BCCIP: variants seen among roughly 807,000 people sequenced by gnomAD.
BCCIP encodes BRCA2 and CDKN1A-interacting protein.
A neutral mutation model predicts 32.8 loss-of-function variants in BCCIP; 23 were observed. That is an observed-to-expected ratio of 0.70 (90% CI 0.51 to 0.99). BCCIP has a LOEUF of 0.99. Among genes scored for constraint, BCCIP ranks in the 50% least tolerant of loss-of-function variants. The probability of loss-of-function intolerance (pLI) is 0.00; values close to 1 mark genes in which losing one functional copy is unlikely to be tolerated. For missense variants in BCCIP, 378 were observed against 379.8 expected (o/e 1.00, Z 0.04); for synonymous variants, 144 against 137.6 (o/e 1.05, Z -0.33).
In BCCIP at chr10:125,823,711, G is replaced by T; in HGVS notation, c.154G>T (p.Val52Phe). ...SDKEKDEEDE[V>F]IDEEVNIEFE... ...CAAGGAAAAGGATGAAGAGGACGAGGTCATTGACGAGGTGAGAAGGACACG... is the reference window on the plus strand; with the variant it reads ...CAAGGAAAAGGATGAAGAGGACGAGTTCATTGACGAGGTGAGAAGGACACG... Residue 52 changes from valine (V) to phenylalanine (F), a missense_variant, in exon 1 of 7, where the codon GTC becomes TTC. Val to Phe is a conservative substitution (Grantham distance 50). Transcript: ENST00000278100. The T allele has an allele frequency of 6.2e-7, 1 of 1,614,068 alleles. No homozygotes were observed. The highest frequency in any genetic ancestry group is 8.5e-7 in the Non-Finnish European group (1 of 1,179,960).
At position 125,831,425 on chromosome 10, in the gene BCCIP, C is replaced by T. The variant is rs755527658; in HGVS notation, c.417C>T (p.Thr139=). The T allele has an allele frequency of 2.2e-5, 35 of 1,612,970 alleles. 1 individual carries two copies. The South Asian group carries it at 3.7e-4, about 17-fold the overall frequency. Residue 139 remains threonine (T), a synonymous_variant, in exon 5 of 7, where the codon ACC becomes ACT. Transcript: ENST00000278100. ...SLLNLTERKG[T]QCVEQIQELV... ...GCTTTCTCTTTGCTTTCTAGGGTAC[C>T]CAGTGTGTTGAACAAATTCAAGAGT...
At chr10:125,852,923 G>A (rs150144867) in intron 7 of BCCIP, among the ~76,000 whole-genome samples, 20 of 152,272 alleles carry the variant, frequency 1.3e-4, no homozygotes, top group Non-Finnish European at 2.4e-4. Context: ...ACTTCTCAAA[G>A]CACTGTACTG....
downstream of BCCIP, among the ~76,000 whole-genome samples, chr10:125,843,552 T>C (rs7915461): frequency 0.92 from 139,137 of 151,910 alleles, 63,810 homozygotes; most frequent in Admixed American, 0.94. Context: ...GTGGAGCTTG[T>C]AGTGAGCCGA....
At chr10:125,846,245 C>CT (rs1944017600), downstream of BCCIP, among the ~76,000 whole-genome samples, 1 of 152,178 alleles carries the variant, frequency 6.6e-6, no homozygotes, top group Admixed American at 6.5e-5. Flanking sequence ...GCTGAAGACT[C>CT]TCCCCACCCT....
At chr10:125,852,170 C>A in intron 7 of BCCIP, 1 of 1,275,586 alleles carries the variant, frequency 7.8e-7, no homozygotes. Flanking sequence ...TGCTTCAGTC[C>A]AAACCAACGC....
exon 7 of BCCIP, chr10:125,842,264 C>T (rs1030876168): frequency 7.2e-6 from 2 of 276,826 alleles, no homozygotes; most frequent in Non-Finnish European, 1.4e-5. Flanking sequence ...GGCCGGAACT[C>T]GCGGTCACAG....
At chr10:125,841,085 G>A, downstream of BCCIP, 1 of 1,460,374 alleles carries the variant, frequency 6.8e-7, no homozygotes, top group African/African-American at 1.4e-5. Context: ...ACGACTGTTA[G>A]TGGCATGGCT....
chr10:125,853,103 C>T, intron 7 of BCCIP: 1 of 1,547,624 alleles, frequency 6.5e-7, no homozygotes. Flanking sequence ...GCGTATGGCA[C>T]TAACAATGAT....
chr10:125,832,079 C>CA (rs1293128869), intron 5 of BCCIP, among the ~76,000 whole-genome samples: 1 of 152,028 alleles, frequency 6.6e-6, no homozygotes, highest in African/African-American at 2.4e-5. Flanking sequence ...TTTAAGTTTA[C>CA]AAAAATATTT....
chr10:125,833,687 C>G, intron 5 of BCCIP, 85 bp from the exon 6 acceptor site: 4 of 1,403,490 alleles, frequency 2.9e-6, no homozygotes, highest in Admixed American at 1.9e-5. Flanking sequence ...ACTGAAGATG[C>G]CTCACCGGGT....
At chr10:125,853,125 G>T in exon 8 of BCCIP, 2 of 1,600,566 alleles carry the variant, frequency 1.2e-6, no homozygotes, top group East Asian at 2.3e-5. Context: ...TTCCTTACAG[G>T]TGGTTCACGG....
At chr10:125,824,196 C>T (rs1854289180) in intron 1 of BCCIP, among the ~76,000 whole-genome samples, 1 of 152,228 alleles carries the variant, frequency 6.6e-6, no homozygotes, top group African/African-American at 2.4e-5. Context: ...GTTTTCCCTT[C>T]CTTCTTCAGA....
intron 6 of BCCIP, among the ~76,000 whole-genome samples, chr10:125,835,098 A>T (rs1372285615): frequency 6.6e-6 from 1 of 151,452 alleles, no homozygotes; most frequent in South Asian, 2.1e-4. Context: ...GCGCCACTGC[A>T]CTCCAGCCTG....
At chr10:125,828,828 G>C (rs1854462691) in intron 3 of BCCIP, among the ~76,000 whole-genome samples, 1 of 152,192 alleles carries the variant, frequency 6.6e-6, no homozygotes, top group Admixed American at 6.5e-5. Flanking sequence ...GGGGTGGCTT[G>C]ACTAGGGGCT....
chr10:125,836,929 C>T, downstream of BCCIP: 1 of 1,322,540 alleles, frequency 7.6e-7, no homozygotes, highest in Non-Finnish European at 1.1e-6. Flanking sequence ...TATGTCTGGG[C>T]ACTTCCCATC....
intron 1 of BCCIP, among the ~76,000 whole-genome samples, chr10:125,824,512 A>AACCCAAAACCTGGGGCTTAACTTTAATTG (rs1854310354): frequency 6.6e-6 from 1 of 152,210 alleles, no homozygotes; most frequent in Non-Finnish European, 1.5e-5. Flanking sequence ...CAGCTGCTCT[A>AACCCAAAACCTGGGGCTTAACTTTAATTG]ACCCAAAACC....
chr10:125,823,587 G>C lies in BCCIP; in HGVS notation c.30G>C (p.Val10=), dbSNP rs1482641889. The part of the protein sequence containing the change: MASRSKRRA[V]ESGVPQPPDP... ...CGTCCAGGTCTAAGCGGCGTGCCGT[G>C]GAAAGTGGGGTTCCGCAGCCGCCGG... is the stretch of plus-strand genomic sequence containing the variant. Residue 10 remains valine (V), a synonymous_variant, in exon 1 of 7, where the codon GTG becomes GTC. Coordinates refer to ENST00000278100, the MANE Select transcript of BCCIP (RefSeq NM_078468.3). The C allele has an allele frequency of 1.9e-6, 3 of 1,613,900 alleles. No homozygotes were observed. The African/African-American group carries it at 4.0e-5, about 22-fold the overall frequency.
chr10:125,825,473 C>G (rs1005334950), intron 1 of BCCIP: 2 of 152,190 alleles, frequency 1.3e-5, no homozygotes, highest in Non-Finnish European at 2.9e-5. Context: ...CCACCCGACC[C>G]CTTGTGTTTT....
intron 5 of BCCIP, among the ~76,000 whole-genome samples, chr10:125,832,932 T>C (rs976444668): frequency 4.6e-5 from 7 of 150,726 alleles, no homozygotes; most frequent in Non-Finnish European, 1.0e-4. Flanking sequence ...CTGGCCAACA[T>C]GGCGAAACCC....
Sources: gnomAD v4.1 joint callset for allele counts (sites outside exome capture counted in the v4.1 genomes callset) on GRCh38, gnomAD v4.1.1 for gene constraint, MANE v1.5 for transcripts, NCBI Gene and HGNC (gene_info 2026-07-23, HGNC 2026-07-21) for gene names.